STK32A: variants seen among roughly 807,000 people sequenced by gnomAD.
STK32A encodes serine/threonine kinase 32A.
STK32A carries 41 observed loss-of-function variants against 53.2 expected under a neutral mutation model. The observed-to-expected ratio is 0.77, with a 90% CI of 0.60 to 1.00. The LOEUF (loss-of-function observed/expected upper bound fraction) is 1.00. Among genes scored for constraint, STK32A ranks in the 50% least tolerant of loss-of-function variants. The pLI, the probability that STK32A is intolerant of heterozygous loss-of-function variation, is 0.00. For synonymous variants in STK32A, 166 were observed against 162.8 expected (o/e 1.02, Z -0.15); for missense variants, 458 against 485.8 (o/e 0.94, Z 0.54).
At chr5:147,328,229 A>G (rs1037380147) in intron 5 of STK32A, among the ~76,000 whole-genome samples, 3 of 152,092 alleles carry the variant, frequency 2.0e-5, no homozygotes, top group Non-Finnish European at 2.9e-5. Context: ...GTGTTAACAT[A>G]GAAGGGGGTC....
chr5:147,368,648 A>G (rs1170268402), intron 8 of STK32A, among the ~76,000 whole-genome samples: 5 of 152,202 alleles, frequency 3.3e-5, no homozygotes, highest in Admixed American at 3.3e-4. Flanking sequence ...TAGTTGATTA[A>G]TTCAAATTAA....
intron 7 of STK32A, among the ~76,000 whole-genome samples, chr5:147,353,400 C>A (rs1235056240): frequency 6.6e-6 from 1 of 152,114 alleles, no homozygotes; most frequent in African/African-American, 2.4e-5. Context: ...ATTAGGCGAG[C>A]TCCTTATCCA....
At chr5:147,310,634 TGTCATGGAGCACAAAAA>T (rs1297093734) in intron 4 of STK32A, among the ~76,000 whole-genome samples, 2 of 152,220 alleles carry the variant, frequency 1.3e-5, no homozygotes, top group African/African-American at 4.8e-5. Context: ...GGTCTATGAT[TGTCATGGAGCACAAAAA>T]GTATTAACTT....
At chr5:147,395,486 C>G in the STK32A span, 1 of 1,523,432 alleles carries the variant, frequency 6.6e-7, no homozygotes, top group Non-Finnish European at 8.9e-7. Flanking sequence ...TTCTGAGGAA[C>G]ACCCTGTGGC....
intron 7 of STK32A, among the ~76,000 whole-genome samples, chr5:147,357,739 A>G (rs1035015555): frequency 2.0e-5 from 3 of 151,976 alleles, no homozygotes; most frequent in Admixed American, 6.6e-5. Context: ...TCATTTTTTT[A>G]CTTAACTCAG....
intron 4 of STK32A, among the ~76,000 whole-genome samples, chr5:147,300,945 G>A (rs967349401): frequency 1.3e-5 from 2 of 152,176 alleles, no homozygotes; most frequent in African/African-American, 2.4e-5. Context: ...TTCTGGCACA[G>A]GGGCCAAGGG....
chr5:147,283,997 G>C (rs1046726660), intron 4 of STK32A, among the ~76,000 whole-genome samples: 1 of 152,038 alleles, frequency 6.6e-6, no homozygotes, highest in African/African-American at 2.4e-5. Flanking sequence ...CAATATCACT[G>C]ATGAACACAG....
At chr5:147,256,657 A>T (rs1390021780) in intron 2 of STK32A, among the ~76,000 whole-genome samples, 2 of 152,002 alleles carry the variant, frequency 1.3e-5, no homozygotes, top group African/African-American at 4.8e-5. Flanking sequence ...GATTACAGGC[A>T]TGCACCACCA....
chr5:147,357,467 T>C (rs1756302148), intron 7 of STK32A, among the ~76,000 whole-genome samples: 1 of 152,138 alleles, frequency 6.6e-6, no homozygotes, highest in Non-Finnish European at 1.5e-5. Context: ...TTATTGATTA[T>C]ATAAATAATT....
chr5:147,340,899 T>G (rs1376239127), intron 5 of STK32A, among the ~76,000 whole-genome samples: 2 of 152,200 alleles, frequency 1.3e-5, no homozygotes, highest in African/African-American at 4.8e-5. Flanking sequence ...ATCTGATGAA[T>G]AAATGAATAC....
intron 2 of STK32A, among the ~76,000 whole-genome samples, chr5:147,247,091 T>C (rs776035084): frequency 6.6e-6 from 1 of 152,210 alleles, no homozygotes; most frequent in Non-Finnish European, 1.5e-5. Context: ...GGTTGAAAAA[T>C]TAAATCTGCA....
chr5:147,390,478 CAAAA>C (rs151186049), downstream of STK32A, among the ~76,000 whole-genome samples: 1 of 110,888 alleles, frequency 9.0e-6, no homozygotes, highest in Non-Finnish European at 2.1e-5. Flanking sequence ...GGGGAAAGAC[CAAAA>C]AAAAAAAAAA....
In STK32A at chr5:147,298,689, C is replaced by T. The variant is rs1198699393; in HGVS notation, c.260+19291C>T. Among the ~76,000 whole-genome samples the T allele has an allele frequency of 5.9e-5, 9 of 152,258 alleles. No individual in the cohort carries two copies. In the South Asian group the frequency reaches 1.7e-3, roughly 28 times the overall value. Reference sequence around the variant, plus strand: ...AGATTTACTTATTTTTCAAGAGAAACTATATTCTTCTTGGCCAAATTTTGT... The same window carrying T: ...AGATTTACTTATTTTTCAAGAGAAATTATATTCTTCTTGGCCAAATTTTGT... On this transcript the variant is annotated intron_variant, in intron 4 of 12. Coordinates refer to ENST00000397936, the MANE Select transcript of STK32A (RefSeq NM_001112724.2).
At chr5:147,348,986 C>A (rs1488805447) in intron 6 of STK32A, among the ~76,000 whole-genome samples, 1 of 152,170 alleles carries the variant, frequency 6.6e-6, no homozygotes, top group East Asian at 1.9e-4. Flanking sequence ...TGAAGCCAAG[C>A]AGTCTGACTC....
At chr5:147,307,065 G>A (rs1753441458) in intron 4 of STK32A, among the ~76,000 whole-genome samples, 1 of 151,804 alleles carries the variant, frequency 6.6e-6, no homozygotes, top group Non-Finnish European at 1.5e-5. Flanking sequence ...TTGTTTTTAT[G>A]GGTAAAAAAT....
At chr5:147,253,013 T>G (rs1322228525) in intron 2 of STK32A, among the ~76,000 whole-genome samples, 1 of 152,242 alleles carries the variant, frequency 6.6e-6, no homozygotes, top group African/African-American at 2.4e-5. Context: ...TATCCTCATT[T>G]TCACCATAGG....
At chr5:147,273,257 G>A (rs1755120365) in intron 2 of STK32A, among the ~76,000 whole-genome samples, 1 of 152,176 alleles carries the variant, frequency 6.6e-6, no homozygotes, top group Non-Finnish European at 1.5e-5. Flanking sequence ...TTATGCTAAG[G>A]GAAAGACTTG....
At chr5:147,341,536 C>G (rs1185826507) in intron 5 of STK32A, among the ~76,000 whole-genome samples, 1 of 152,176 alleles carries the variant, frequency 6.6e-6, no homozygotes, top group Admixed American at 6.5e-5. Context: ...AGTGCAATGG[C>G]TAGTCAGGGC....
chr5:147,239,946 T>C (rs894161202), intron 2 of STK32A: 5 of 426,256 alleles, frequency 1.2e-5, no homozygotes, highest in Non-Finnish European at 2.1e-5. Context: ...GGGCATGTGG[T>C]GGATAGTTAA....
Sources: gnomAD v4.1 joint callset for allele counts (sites outside exome capture counted in the v4.1 genomes callset) on GRCh38, gnomAD v4.1.1 for gene constraint, MANE v1.5 for transcripts, NCBI Gene and HGNC (gene_info 2026-07-23, HGNC 2026-07-21) for gene names.